MVB12B: variants seen among roughly 807,000 people sequenced by gnomAD.
MVB12B encodes the protein multivesicular body subunit 12B.
In MVB12B, 16 loss-of-function variants were observed where a neutral mutation model predicts 41.6. That is an observed-to-expected ratio of 0.38 (90% CI 0.26 to 0.58). The LOEUF (loss-of-function observed/expected upper bound fraction) is 0.58, where lower values mean the gene tolerates loss of function less well. Ranked by LOEUF, MVB12B falls within the 20% of genes least tolerant of loss-of-function variation. The probability of loss-of-function intolerance (pLI) is 0.62; values close to 1 mark genes in which losing one functional copy is unlikely to be tolerated. For missense variants in MVB12B, 274 were observed against 380.2 expected (o/e 0.72, Z 2.32); for synonymous variants, 133 against 139.7 (o/e 0.95, Z 0.34).
At chr9:126,397,717 G>GT (rs1285405657) in intron 6 of MVB12B, 8 of 693,724 alleles carry the variant, frequency 1.2e-5, no homozygotes, top group East Asian at 1.3e-4. Context: ...TTTTTGTGGG[G>GT]TTTTTTTGTG....
chr9:126,405,981 T>A (rs1831409219), intron 6 of MVB12B, among the ~76,000 whole-genome samples: 2 of 151,456 alleles, frequency 1.3e-5, no homozygotes, highest in South Asian at 4.2e-4. Context: ...TATGTAGTTT[T>A]AATCTTTATA....
chr9:126,497,629 C>T (rs909144774), intron 9 of MVB12B, among the ~76,000 whole-genome samples: 1 of 151,354 alleles, frequency 6.6e-6, no homozygotes, highest in African/African-American at 2.5e-5. Context: ...GAATCCACCT[C>T]ATCTCCGGGG....
chr9:126,464,529 C>G (rs1050099730), intron 7 of MVB12B, among the ~76,000 whole-genome samples: 4 of 152,166 alleles, frequency 2.6e-5, no homozygotes, highest in African/African-American at 9.7e-5. Flanking sequence ...GAATGGTACA[C>G]GAGGTCTGCA....
chr9:126,331,559 C>A (rs1829132011), intron 1 of MVB12B, among the ~76,000 whole-genome samples: 1 of 152,278 alleles, frequency 6.6e-6, no homozygotes, highest in East Asian at 1.9e-4. Flanking sequence ...CCTCCCATTC[C>A]ATAGGTTGCC....
intron 7 of MVB12B, among the ~76,000 whole-genome samples, chr9:126,427,246 T>C (rs1427249893): frequency 6.6e-6 from 1 of 152,184 alleles, no homozygotes; most frequent in Non-Finnish European, 1.5e-5. Flanking sequence ...ACCTACTTGT[T>C]TGAAATGAAT....
rs77405090 is a variant in MVB12B at position 126,457,842 on chromosome 9, C to T, written c.758-23527C>T. On this transcript the variant is annotated intron_variant, in intron 7 of 9. Coordinates refer to ENST00000361171, the MANE Select transcript of MVB12B (RefSeq NM_033446.3). ...TGAACCTTAGGCACAAATGAAATCA[C>T]GGCTTGGTGCTTGTCCAATAGCCTC... is the stretch of plus-strand genomic sequence containing the variant. Among the ~76,000 whole-genome samples, 787 of 152,282 alleles carry T rather than the reference C, an allele frequency of 5.2e-3. 14 individuals carry two copies. Among genetic ancestry groups the T allele is most frequent in the African/African-American group, 0.018 (753 of 41,552 alleles).
At chr9:126,498,339 G>T (rs1588215492) in intron 9 of MVB12B, among the ~76,000 whole-genome samples, 1 of 152,106 alleles carries the variant, frequency 6.6e-6, no homozygotes, top group East Asian at 1.9e-4. Flanking sequence ...CCTGTGCTAG[G>T]GCCAGGCCCA....
intron 6 of MVB12B, among the ~76,000 whole-genome samples, chr9:126,420,928 T>C (rs956478698): frequency 1.3e-5 from 2 of 152,188 alleles, no homozygotes; most frequent in Non-Finnish European, 2.9e-5. Context: ...CCACTTACTT[T>C]ATGTGATAAG....
chr9:126,484,176 G>T (rs1177192651), intron 9 of MVB12B, 144 bp downstream of exon 9: 1 of 685,688 alleles, frequency 1.5e-6, no homozygotes, highest in Non-Finnish European at 2.5e-6. Flanking sequence ...CACTTTCGTT[G>T]CACCCAAATG....
Position 126,486,682 on chromosome 9 carries a change from C to T in MVB12B, c.873+2650C>T, listed in dbSNP as rs1011284413. On this transcript the variant is annotated intron_variant, in intron 9 of 9. Transcript: ENST00000361171. The surrounding 1 kb of genome is among the most constrained non-coding windows in gnomAD (Gnocchi z 4.7). ...AGCCTGGGGCCTGAGGCTTTCCATACGTGATCACTGGTTCCTACCCCAGGC... is the reference window on the plus strand; with the variant it reads ...AGCCTGGGGCCTGAGGCTTTCCATATGTGATCACTGGTTCCTACCCCAGGC... Among the ~76,000 whole-genome samples, 5 of 152,216 alleles carry T rather than the reference C, an allele frequency of 3.3e-5. No individual in the cohort carries two copies. Among genetic ancestry groups the T allele is most frequent in the Non-Finnish European group, 7.3e-5 (5 of 68,028 alleles).
Position 126,487,779 on chromosome 9 carries a change from A to T in MVB12B, c.873+3747A>T, listed in dbSNP as rs575052827. The stretch of plus-strand genomic sequence containing the variant: ...GAGACTCCGTCTCAAAAAAAAAAAA[A>T]AAAATAACAAAACAGGTCTGTATTT... On this transcript the variant is annotated intron_variant, in intron 9 of 9. Transcript: ENST00000361171. 1.5e-4 allele frequency among the ~76,000 whole-genome samples: 23 copies of T among 152,178 alleles called. No individual in the cohort carries two copies. The South Asian group carries it at 1.7e-3, about 11-fold the overall frequency.
At chr9:126,500,364 C>T (rs1833928276) in intron 9 of MVB12B, among the ~76,000 whole-genome samples, 1 of 152,184 alleles carries the variant, frequency 6.6e-6, no homozygotes, top group Admixed American at 6.5e-5. Context: ...AGTGGAGCAC[C>T]TCCAAGCCAT....
rs771676436 is a variant in MVB12B at position 126,395,002 on chromosome 9, G to A, written c.540-573G>A. On this transcript the variant is annotated intron_variant, in intron 5 of 9. Coordinates refer to ENST00000361171, the MANE Select transcript of MVB12B (RefSeq NM_033446.3). The surrounding 1 kb of genome is among the most constrained non-coding windows in gnomAD (Gnocchi z 4.9). ...GAGGTCACAGGAGAGCTTATGCGGC[G>A]TCTGGGAGGCCCCTTGGTGTCCACT... 3.3e-5 allele frequency among the ~76,000 whole-genome samples: 5 copies of A among 152,106 alleles called. No individual in the cohort carries two copies. Among genetic ancestry groups the A allele is most frequent in the East Asian group, 1.9e-4 (1 of 5,178 alleles).
intron 2 of MVB12B, among the ~76,000 whole-genome samples, chr9:126,360,630 C>T (rs1345123850): frequency 6.6e-6 from 1 of 152,124 alleles, no homozygotes; most frequent in African/African-American, 2.4e-5. Context: ...CTATATTATT[C>T]CTGATTTTCT....
chr9:126,349,227 C>G (rs955355471), intron 2 of MVB12B, among the ~76,000 whole-genome samples: 1 of 152,090 alleles, frequency 6.6e-6, no homozygotes, highest in Non-Finnish European at 1.5e-5. Context: ...AGGTACCTGG[C>G]CCTGGGGTGA....
rs558339542 is a variant in MVB12B, at chr9:126,391,106, C to A, written c.410-960C>A. Reference sequence around the variant, plus strand: ...GGAACTGTGTGACCGAGGTCCTGGGCCGACGCCAGCAGAGCTCAGCAAGAA... The same window carrying A: ...GGAACTGTGTGACCGAGGTCCTGGGACGACGCCAGCAGAGCTCAGCAAGAA... On this transcript the variant is annotated intron_variant, in intron 4 of 9. Transcript: ENST00000361171. This position sits in a 1 kb window ranked among gnomAD's most constrained non-coding sequence, Gnocchi z 4.4. Among the ~76,000 whole-genome samples the A allele has an allele frequency of 6.6e-6, 1 of 152,278 alleles. No individual in the cohort carries two copies. Among genetic ancestry groups the A allele is most frequent in the East Asian group, 1.9e-4 (1 of 5,182 alleles).
At chr9:126,494,816 G>A (rs1833795945) in intron 9 of MVB12B, among the ~76,000 whole-genome samples, 1 of 151,974 alleles carries the variant, frequency 6.6e-6, no homozygotes, top group African/African-American at 2.4e-5. Context: ...CACTTTTTAG[G>A]TGGTATTCAG....
intron 7 of MVB12B, among the ~76,000 whole-genome samples, chr9:126,467,110 A>G (rs866572702): frequency 6.6e-6 from 1 of 152,196 alleles, no homozygotes. Context: ...CTGGAATTAC[A>G]GATGAGAGCC....
chr9:126,394,389 TAAA>T, intron 5 of MVB12B, among the ~76,000 whole-genome samples: 1 of 152,386 alleles, frequency 6.6e-6, no homozygotes, highest in South Asian at 2.1e-4. Context: ...TGTACCTTGA[TAAA>T]ACCAAAGGCT....
Sources: allele counts gnomAD v4.1 joint callset (sites outside exome capture counted in the v4.1 genomes callset), GRCh38; gene constraint gnomAD v4.1.1; non-coding constraint Gnocchi (gnomAD v3.1); transcripts MANE v1.5; gene names NCBI Gene and HGNC (gene_info 2026-07-23, HGNC 2026-07-21).